SORCS2: variants seen among roughly 807,000 people sequenced by gnomAD.
SORCS2 encodes sortilin related VPS10 domain containing receptor 2.
SORCS2 carries 100 observed loss-of-function variants against 141.6 expected under a neutral mutation model. The ratio of observed to expected loss-of-function variants is 0.71; its 90% CI spans 0.60 to 0.83. The LOEUF (loss-of-function observed/expected upper bound fraction) is 0.83. SORCS2 is among the 40% of genes least tolerant of loss of function. The pLI is 0.00. For missense variants in SORCS2, 1,646 were observed against 1,560.2 expected (o/e 1.05, Z -0.93); for synonymous variants, 789 against 676.9 (o/e 1.17, Z -2.57).
chr4:7,271,208 C>G (rs1358219920), intron 1 of SORCS2, among the ~76,000 whole-genome samples: 1 of 152,202 alleles, frequency 6.6e-6, no homozygotes, highest in Non-Finnish European at 1.5e-5. Flanking sequence ...CAAAACATCA[C>G]CCTCTGCCCT....
At chr4:7,367,788 C>CA (rs1355874980) in intron 1 of SORCS2, among the ~76,000 whole-genome samples, 1 of 152,164 alleles carries the variant, frequency 6.6e-6, no homozygotes, top group Non-Finnish European at 1.5e-5. Context: ...AGTGGGCAAA[C>CA]AAAAAGAGAC....
intron 3 of SORCS2, among the ~76,000 whole-genome samples, chr4:7,621,026 C>T (rs530468214): frequency 1.9e-3 from 287 of 152,240 alleles, no homozygotes; most frequent in Non-Finnish European, 3.6e-3. Flanking sequence ...GGGGGGTTGC[C>T]GGCCATGAGG....
chr4:7,729,666 T>C lies in SORCS2; in HGVS notation c.3062T>C (p.Leu1021Pro). 1 of 1,608,474 alleles carries C rather than the reference T, an allele frequency of 6.2e-7. No homozygotes were observed. Among genetic ancestry groups the C allele is most frequent in the Non-Finnish European group, 8.5e-7 (1 of 1,177,630 alleles). The stretch of plus-strand genomic sequence containing the variant: ...ACTTTGGCCGATCTGTACGTGCTCC[T>C]GCCCCCTCCCAGGCCCACAAGGAAG... ...LPTLADLYVL[L>P]PPPRPTRKRS... Residue 1021 changes from leucine (L) to proline (P), a missense_variant, in exon 23 of 27, where the codon CTG (leucine) becomes CCG (proline). By Grantham distance (98) the Leu-to-Pro change is moderately conservative (BLOSUM62 -3). Coordinates refer to ENST00000507866, the MANE Select transcript of SORCS2 (RefSeq NM_020777.3).
intron 2 of SORCS2, among the ~76,000 whole-genome samples, chr4:7,423,916 C>T (rs1726251564): frequency 6.6e-6 from 1 of 152,200 alleles, no homozygotes; most frequent in Non-Finnish European, 1.5e-5. Flanking sequence ...GCCAAAGTGA[C>T]ATCATCACAC....
chr4:7,428,485 TAG>T (rs1300051456), intron 2 of SORCS2, among the ~76,000 whole-genome samples: 1 of 150,824 alleles, frequency 6.6e-6, no homozygotes, highest in Non-Finnish European at 1.5e-5. Flanking sequence ...GATAGCCGAG[TAG>T]AGTCAGTTAT....
intron 2 of SORCS2, among the ~76,000 whole-genome samples, chr4:7,520,180 C>T (rs190035746): frequency 1.3e-5 from 2 of 152,338 alleles, no homozygotes; most frequent in South Asian, 2.1e-4. Flanking sequence ...GTTCCCCGCC[C>T]AGCCACGTGC....
At chr4:7,729,483 A>C (rs1727452773) in intron 22 of SORCS2, 104 bp from the exon 23 acceptor site, 1 of 1,403,080 alleles carries the variant, frequency 7.1e-7, no homozygotes, top group African/African-American at 1.4e-5. Context: ...CCTGTGAGAC[A>C]GGTGTACAGG....
chr4:7,473,911 C>A (rs561416760), intron 2 of SORCS2, among the ~76,000 whole-genome samples: 35 of 152,332 alleles, frequency 2.3e-4, no homozygotes, highest in African/African-American at 8.4e-4. Context: ...CTGCACACAG[C>A]AGCCAGAGGG....
chr4:7,376,069 G>T (rs572482013), intron 1 of SORCS2, among the ~76,000 whole-genome samples: 16 of 152,322 alleles, frequency 1.1e-4, no homozygotes, highest in Non-Finnish European at 1.3e-4. Flanking sequence ...ATGCAGGCAG[G>T]TCTGGAAGCA....
chr4:7,576,951 A>G (rs1013017483), intron 3 of SORCS2, among the ~76,000 whole-genome samples: 3 of 152,338 alleles, frequency 2.0e-5, no homozygotes, highest in Non-Finnish European at 4.4e-5. Flanking sequence ...TGCATGGGAA[A>G]TGAGCAGGGT....
chr4:7,413,546 C>T (rs1344721840), intron 2 of SORCS2, among the ~76,000 whole-genome samples: 1 of 151,862 alleles, frequency 6.6e-6, no homozygotes, highest in Non-Finnish European at 1.5e-5. Flanking sequence ...CGCCACCATG[C>T]CTGGCTAATT....
chr4:7,720,779 C>T (rs1039258256), intron 18 of SORCS2, among the ~76,000 whole-genome samples: 4 of 152,204 alleles, frequency 2.6e-5, no homozygotes, highest in Admixed American at 6.5e-5. Flanking sequence ...AAGCCCACAG[C>T]CAGACATCAC....
At chr4:7,502,953 C>A (rs11735566) in intron 2 of SORCS2, among the ~76,000 whole-genome samples, 35,910 of 152,174 alleles carry the variant, frequency 0.24, 4,872 homozygotes, top group South Asian at 0.39. Context: ...CTTTAAGAAT[C>A]TGTCTACTCC....
rs558410743 is a variant in SORCS2, at chr4:7,581,348, T to C, written c.648+49719T>C. 1.1e-4 allele frequency among the ~76,000 whole-genome samples: 17 copies of C among 152,258 alleles called. No individual in the cohort carries two copies. The South Asian group carries it at 3.5e-3, about 32-fold the overall frequency. The stretch of plus-strand genomic sequence containing the variant: ...GGCAAAAAAATACTAAGATAAATAA[T>C]AATAATATCCAGTTTGGTGAGGATA... On this transcript the variant is annotated intron_variant, in intron 3 of 26. Coordinates refer to ENST00000507866, the MANE Select transcript of SORCS2 (RefSeq NM_020777.3).
At chr4:7,627,960 GCA>G (rs527449253) in intron 3 of SORCS2, among the ~76,000 whole-genome samples, 11 of 152,254 alleles carry the variant, frequency 7.2e-5, no homozygotes, top group Non-Finnish European at 1.5e-4. Flanking sequence ...AGCTCCTGCT[GCA>G]CCCAAGCGGG....
At chr4:7,564,869 T>C (rs114300229) in intron 3 of SORCS2, among the ~76,000 whole-genome samples, 368 of 152,384 alleles carry the variant, frequency 2.4e-3, no homozygotes, top group African/African-American at 8.5e-3. Flanking sequence ...TGTCTGGCTT[T>C]TTTTTGTCAT....
intron 1 of SORCS2, among the ~76,000 whole-genome samples, chr4:7,329,643 C>A (rs1315469471): frequency 1.3e-5 from 2 of 152,208 alleles, no homozygotes; most frequent in Non-Finnish European, 2.9e-5. Flanking sequence ...AAGTTTCCCA[C>A]CGCTGCTGTA....
chr4:7,204,649 CAT>C (rs141055591), intron 1 of SORCS2, among the ~76,000 whole-genome samples: 1,643 of 152,304 alleles, frequency 0.011, 29 homozygotes, highest in African/African-American at 0.036. Context: ...GGAGGAGAAA[CAT>C]GTGTGGCATT....
intron 12 of SORCS2, among the ~76,000 whole-genome samples, chr4:7,698,253 C>T (rs1724835462): frequency 6.6e-6 from 1 of 152,186 alleles, no homozygotes; most frequent in Non-Finnish European, 1.5e-5. Flanking sequence ...TATCTCCTTC[C>T]AGACAAGACG....
Sources: allele counts gnomAD v4.1 joint callset (sites outside exome capture counted in the v4.1 genomes callset), GRCh38; gene constraint gnomAD v4.1.1; transcripts MANE v1.5; gene names NCBI Gene and HGNC (gene_info 2026-07-23, HGNC 2026-07-21).